The following RTN4RL1 variants were observed in gnomAD, a reference collection of about 807,000 sequenced individuals.
RTN4RL1 encodes the protein reticulon 4 receptor like 1.
Under a neutral mutation model 25.6 loss-of-function variants are expected in RTN4RL1, and 7 were observed. The ratio of observed to expected loss-of-function variants is 0.27; its 90% CI spans 0.16 to 0.51. The LOEUF is 0.51. RTN4RL1 is among the 20% of genes least tolerant of loss of function. RTN4RL1 has a pLI of 0.97. For synonymous variants in RTN4RL1, 297 were observed against 288.2 expected (o/e 1.03, Z -0.31); for missense variants, 500 against 615.6 (o/e 0.81, Z 1.99).
intron 1 of RTN4RL1, among the ~76,000 whole-genome samples, chr17:1,967,797 G>T (rs530671040): frequency 6.6e-6 from 1 of 152,176 alleles, no homozygotes; most frequent in East Asian, 1.9e-4. Flanking sequence ...CTGCCACCAC[G>T]CATGGATAAT....
chr17:1,960,657 C>T (rs1027103635), intron 1 of RTN4RL1, among the ~76,000 whole-genome samples: 3 of 152,208 alleles, frequency 2.0e-5, no homozygotes, highest in Non-Finnish European at 4.4e-5. Flanking sequence ...TGGCTCAGAA[C>T]GTTTTCCTCA....
At chr17:1,955,238 C>T (rs1182296470) in intron 1 of RTN4RL1, among the ~76,000 whole-genome samples, 1 of 152,094 alleles carries the variant, frequency 6.6e-6, no homozygotes. Context: ...TTTAATATCA[C>T]TCATCTTTAT....
Position 1,967,317 on chromosome 17 carries a change from C to T in RTN4RL1, c.14-29509G>A, listed in dbSNP as rs532811859. 2.4e-4 allele frequency among the ~76,000 whole-genome samples: 37 copies of T among 152,302 alleles called. No homozygotes were observed. In the South Asian group the frequency reaches 3.7e-3, roughly 15 times the overall value. ...GCTCCACCTGCAGCATGGATTCCGC[C>T]GGAGGCCAAGGCTTCTGACAGCTGC... is the stretch of plus-strand genomic sequence containing the variant. On this transcript the variant is annotated intron_variant, in intron 1 of 1. Coordinates refer to ENST00000331238, the MANE Select transcript of RTN4RL1 (RefSeq NM_178568.4).
Position 2,009,949 on chromosome 17 carries a change from C to G in RTN4RL1, c.13+14904G>C, listed in dbSNP as rs180976471. On this transcript the variant is annotated intron_variant, in intron 1 of 1. Transcript: ENST00000331238. ...GCCTGACGCAGGGCCTTTGCACCTG[C>G]TATTGTTCCTTCTGCCAGGAGAGCC... 3.9e-5 allele frequency among the ~76,000 whole-genome samples: 5 copies of G among 129,248 alleles called. 1 individual carries two copies. Among genetic ancestry groups the G allele is most frequent in the Admixed American group, 2.4e-4 (3 of 12,366 alleles). 84.8% of individuals were successfully genotyped at this position (129,248 alleles called of 152,430 possible).
chr17:1,993,745 T>C (rs1443004869), intron 1 of RTN4RL1, among the ~76,000 whole-genome samples: 1 of 151,594 alleles, frequency 6.6e-6, no homozygotes, highest in Non-Finnish European at 1.5e-5. Context: ...GTGAGAAAAC[T>C]GGCTCAGTTG....
At chr17:1,944,823 C>T (rs1394741153) in intron 1 of RTN4RL1, among the ~76,000 whole-genome samples, 1 of 152,174 alleles carries the variant, frequency 6.6e-6, no homozygotes, top group Non-Finnish European at 1.5e-5. Flanking sequence ...GCAACCATCA[C>T]CTCTCACCTG....
At chr17:2,008,175 A>T (rs1186149013) in intron 1 of RTN4RL1, among the ~76,000 whole-genome samples, 1 of 151,606 alleles carries the variant, frequency 6.6e-6, no homozygotes, top group Non-Finnish European at 1.5e-5. Context: ...AGGCTGAGGC[A>T]GGAGAATCAC....
intron 1 of RTN4RL1, among the ~76,000 whole-genome samples, chr17:1,942,217 T>A (rs1402521621): frequency 6.6e-6 from 1 of 152,150 alleles, no homozygotes; most frequent in Non-Finnish European, 1.5e-5. Flanking sequence ...GGCTGACTGC[T>A]CGGGTATCCC....
chr17:1,967,885 C>T (rs1410199473), intron 1 of RTN4RL1, among the ~76,000 whole-genome samples: 2 of 152,206 alleles, frequency 1.3e-5, no homozygotes, highest in African/African-American at 4.8e-5. Flanking sequence ...AGGTGATCCA[C>T]TCGCCTCAGC....
At chr17:2,018,595 C>A (rs560357348) in intron 1 of RTN4RL1, among the ~76,000 whole-genome samples, 3 of 152,296 alleles carry the variant, frequency 2.0e-5, no homozygotes, top group African/African-American at 7.2e-5. Context: ...GACAGATGGG[C>A]ACGTGAGACA....
Position 1,936,646 on chromosome 17 carries a change from G to T in RTN4RL1, c.1176C>A (p.Ile392=). ...PDYQHKFSFD[I]MPTARPKRKG... is the part of the protein sequence containing the mutation. ...TCCTCTTGGGCCGGGCCGTAGGCAT[G>T]ATGTCAAAACTGAACTTGTGCTGGT... is the stretch of plus-strand genomic sequence containing the variant. Residue 392 remains isoleucine, a synonymous_variant, in exon 2 of 2, where the codon ATC becomes ATA. Transcript: ENST00000331238. 1.3e-6 allele frequency: 2 copies of T among 1,594,622 alleles called. No individual in the cohort carries two copies. Among genetic ancestry groups the T allele is most frequent in the Non-Finnish European group, 1.7e-6 (2 of 1,171,436 alleles).
chr17:1,952,068 T>C (rs1444343808), intron 1 of RTN4RL1, among the ~76,000 whole-genome samples: 2 of 151,584 alleles, frequency 1.3e-5, no homozygotes, highest in Non-Finnish European at 2.9e-5. Flanking sequence ...ACCCAGAAGC[T>C]GCTGCTCTCC....
chr17:2,004,097 G>A (rs537839519), intron 1 of RTN4RL1, among the ~76,000 whole-genome samples: 4 of 149,612 alleles, frequency 2.7e-5, no homozygotes, highest in Admixed American at 6.7e-5. Context: ...GGCCGGGCGC[G>A]GTGGCTCACG....
chr17:2,007,703 T>C (rs1236343046), intron 1 of RTN4RL1, among the ~76,000 whole-genome samples: 4 of 152,310 alleles, frequency 2.6e-5, no homozygotes, highest in Admixed American at 1.3e-4. Flanking sequence ...CCCAGCACTT[T>C]GGGAGGCCAA....
At position 1,994,876 on chromosome 17, in the gene RTN4RL1, C is replaced by T. The variant is rs1296604539; in HGVS notation, c.13+29977G>A. 6.6e-6 allele frequency among the ~76,000 whole-genome samples: 1 copy of T among 151,556 alleles called. No individual in the cohort carries two copies. Among genetic ancestry groups the T allele is most frequent in the Non-Finnish European group, 1.5e-5 (1 of 67,912 alleles). On this transcript the variant is annotated intron_variant, in intron 1 of 1. Coordinates refer to ENST00000331238, the MANE Select transcript of RTN4RL1 (RefSeq NM_178568.4). The surrounding 1 kb of genome is among the most constrained non-coding windows in gnomAD (Gnocchi z 4.3). Reference sequence around the variant, plus strand: ...ACTTTGGGAAGCCGAGGTGGGAGGACTGCTTGAAGCCAGGAGTTCAAGACC... The same window carrying T: ...ACTTTGGGAAGCCGAGGTGGGAGGATTGCTTGAAGCCAGGAGTTCAAGACC...
intron 1 of RTN4RL1, among the ~76,000 whole-genome samples, chr17:1,964,266 C>G (rs1280985520): frequency 6.6e-6 from 1 of 152,142 alleles, no homozygotes; most frequent in African/African-American, 2.4e-5. Context: ...ATTGCAATAT[C>G]ATATTTTGAA....
At chr17:2,002,828 C>A (rs73976172) in intron 1 of RTN4RL1, among the ~76,000 whole-genome samples, 16 of 152,142 alleles carry the variant, frequency 1.1e-4, no homozygotes, top group African/African-American at 3.9e-4. Flanking sequence ...GTCCTCCATA[C>A]CCCGGCTACC....
intron 1 of RTN4RL1, among the ~76,000 whole-genome samples, chr17:1,982,102 C>T (rs955657275): frequency 2.0e-5 from 3 of 150,506 alleles, no homozygotes; most frequent in Middle Eastern, 3.5e-3. Context: ...GAGTTCCAGA[C>T]CAGCATGGCC....
At chr17:1,981,197 A>C (rs1473991608) in intron 1 of RTN4RL1, among the ~76,000 whole-genome samples, 1 of 151,832 alleles carries the variant, frequency 6.6e-6, no homozygotes, top group African/African-American at 2.4e-5. Context: ...CCTGGACAAC[A>C]TAAGGAGACT....
Sources: gnomAD v4.1 joint callset for allele counts (sites outside exome capture counted in the v4.1 genomes callset) on GRCh38, gnomAD v4.1.1 for gene constraint, Gnocchi (gnomAD v3.1) non-coding constraint, MANE v1.5 for transcripts, NCBI Gene and HGNC (gene_info 2026-07-23, HGNC 2026-07-21) for gene names.